ZNF804B: variants seen among roughly 807,000 people sequenced by gnomAD.
ZNF804B encodes zinc finger protein 804B.
A neutral mutation model predicts 101.4 loss-of-function variants in ZNF804B; 80 were observed. That is an observed-to-expected ratio of 0.79 (90% confidence interval 0.66 to 0.95). ZNF804B has a LOEUF of 0.95. ZNF804B is among the 40% of genes least tolerant of loss of function. The pLI is 0.00. For synonymous variants in ZNF804B, 622 were observed against 558.8 expected (o/e 1.11, Z -1.59); for missense variants, 1,673 against 1,561.9 (o/e 1.07, Z -1.20).
chr7:88,815,826 T>C (rs890475815), intron 1 of ZNF804B, among the ~76,000 whole-genome samples: 1 of 151,736 alleles, frequency 6.6e-6, no homozygotes, highest in Non-Finnish European at 1.5e-5. Context: ...ATGGTCACCA[T>C]TTTTAACCTG....
chr7:89,232,361 GT>G (rs1789206019), intron 2 of ZNF804B, among the ~76,000 whole-genome samples: 1 of 152,048 alleles, frequency 6.6e-6, no homozygotes, highest in South Asian at 2.1e-4. Context: ...TTGTGTTTCT[GT>G]TCTTGAGAGA....
chr7:89,230,306 G>GA (rs1789169993), intron 2 of ZNF804B, among the ~76,000 whole-genome samples: 2 of 74,706 alleles, frequency 2.7e-5, no homozygotes, highest in Non-Finnish European at 6.0e-5. Flanking sequence ...ACATGGGGAG[G>GA]GGGAGAGAGA....
At chr7:89,103,191 A>G (rs936283992) in intron 1 of ZNF804B, among the ~76,000 whole-genome samples, 1 of 145,650 alleles carries the variant, frequency 6.9e-6, no homozygotes. Context: ...TTGGTTATTC[A>G]GGCTTTTTTT....
intron 1 of ZNF804B, among the ~76,000 whole-genome samples, chr7:89,038,345 T>C (rs934116160): frequency 2.6e-5 from 4 of 152,196 alleles, no homozygotes; most frequent in Non-Finnish European, 5.9e-5. Flanking sequence ...GTCTTTTTGA[T>C]AAAAAACATC....
At chr7:89,326,538 A>C (rs1162961978) in intron 2 of ZNF804B, among the ~76,000 whole-genome samples, 1 of 152,078 alleles carries the variant, frequency 6.6e-6, no homozygotes, top group Non-Finnish European at 1.5e-5. Context: ...TGTATGAGTT[A>C]AGAGGATAAT....
Position 89,116,073 on chromosome 7 carries a change from AT to A in ZNF804B, c.109-102070del, listed in dbSNP as rs146470822. On this transcript the variant is annotated intron_variant, in intron 1 of 3. Transcript: ENST00000333190. ...GCACATGCCACCATGCCCAGTTATT[AT>A]TTTTTTTTTTTGTATTTTTAGTAAA... 5.8e-4 allele frequency among the ~76,000 whole-genome samples: 81 copies of A among 140,774 alleles called. No individual in the cohort carries two copies. The Middle Eastern group carries it at 0.011, about 19-fold the overall frequency. The allele number at this position is 140,774 out of a possible 152,430, so 92.4% of individuals were successfully genotyped here. A position where few individuals can be genotyped will look rare whatever the true frequency, so the allele number is the denominator to read the frequency against.
chr7:88,775,429 A>G (rs1489844412), intron 1 of ZNF804B, among the ~76,000 whole-genome samples: 1 of 152,216 alleles, frequency 6.6e-6, no homozygotes, highest in Non-Finnish European at 1.5e-5. Context: ...CATCTCAAGT[A>G]GATAGATATA....
chr7:88,927,807 C>T (rs1322690169), intron 1 of ZNF804B, among the ~76,000 whole-genome samples: 1 of 152,092 alleles, frequency 6.6e-6, no homozygotes, highest in Non-Finnish European at 1.5e-5. Context: ...TTCTCACCTA[C>T]CATTATATAA....
At chr7:88,937,268 C>T (rs542015918) in intron 1 of ZNF804B, among the ~76,000 whole-genome samples, 16 of 152,106 alleles carry the variant, frequency 1.1e-4, no homozygotes, top group African/African-American at 1.9e-4. Flanking sequence ...CATTAGATAC[C>T]GGCAACAGGA....
intron 1 of ZNF804B, among the ~76,000 whole-genome samples, chr7:88,764,069 A>G (rs1789942837): frequency 1.3e-5 from 2 of 152,216 alleles, no homozygotes; most frequent in Admixed American, 6.5e-5. Flanking sequence ...TGAATTCAAT[A>G]AAACAAATAG....
intron 1 of ZNF804B, among the ~76,000 whole-genome samples, chr7:88,910,286 C>T (rs1792529099): frequency 6.6e-6 from 1 of 151,878 alleles, no homozygotes; most frequent in Non-Finnish European, 1.5e-5. Context: ...TCAGACAGCA[C>T]TGATAAACTG....
chr7:88,909,958 A>T (rs2115972406), intron 1 of ZNF804B, among the ~76,000 whole-genome samples: 1 of 151,982 alleles, frequency 6.6e-6, no homozygotes, highest in Non-Finnish European at 1.5e-5. Context: ...TGCAGTTTTA[A>T]TGCATTTGTT....
chr7:88,828,483 T>A (rs207468216), intron 1 of ZNF804B, among the ~76,000 whole-genome samples: 1 of 152,058 alleles, frequency 6.6e-6, no homozygotes, highest in East Asian at 1.9e-4. Context: ...CCTCTCTGCC[T>A]CTAATGCCAA....
chr7:88,982,011 T>C (rs1793700251), intron 1 of ZNF804B, among the ~76,000 whole-genome samples: 1 of 152,066 alleles, frequency 6.6e-6, no homozygotes, highest in South Asian at 2.1e-4. Flanking sequence ...TTATTCAGTT[T>C]GTTTTTTATT....
At chr7:88,950,649 G>A (rs1361446445) in intron 1 of ZNF804B, among the ~76,000 whole-genome samples, 2 of 149,068 alleles carry the variant, frequency 1.3e-5, no homozygotes, top group African/African-American at 2.5e-5. Context: ...TATTATATAC[G>A]TATAGAAAAT....
chr7:89,190,734 A>G (rs1788442946), intron 1 of ZNF804B, among the ~76,000 whole-genome samples: 1 of 152,162 alleles, frequency 6.6e-6, no homozygotes, highest in Non-Finnish European at 1.5e-5. Flanking sequence ...ATTGCCACAG[A>G]TACCCCAACC....
intron 1 of ZNF804B, among the ~76,000 whole-genome samples, chr7:88,966,719 G>A (rs891757556): frequency 6.6e-6 from 1 of 150,872 alleles, no homozygotes; most frequent in Non-Finnish European, 1.5e-5. Context: ...GACTTTTAGA[G>A]TCATTTACAA....
chr7:88,956,924 C>G (rs1793318337), intron 1 of ZNF804B, among the ~76,000 whole-genome samples: 1 of 151,468 alleles, frequency 6.6e-6, no homozygotes, highest in Non-Finnish European at 1.5e-5. Flanking sequence ...TTGACTTATT[C>G]ATGCTGCATT....
In ZNF804B at chr7:89,336,315, G is replaced by A. The variant is rs1791089526; in HGVS notation, c.3333G>A (p.Glu1111=). 2 of 1,613,866 alleles carry A rather than the reference G, an allele frequency of 1.2e-6. No homozygotes were observed. Among genetic ancestry groups the A allele is most frequent in the Non-Finnish European group, 1.7e-6 (2 of 1,179,946 alleles). ...TAAGCATGCATATAAATCATGTAGA[G>A]GGAAATATAAACTCTTACTATGACA... ...QDVSMHINHV[E]GNINSYYDRT... Residue 1111 remains glutamate (E), a synonymous_variant, in exon 4 of 4, where the codon GAG becomes GAA. Coordinates refer to ENST00000333190, the MANE Select transcript of ZNF804B (RefSeq NM_181646.5).
Sources: gnomAD v4.1 joint callset for allele counts (sites outside exome capture counted in the v4.1 genomes callset) on GRCh38, gnomAD v4.1.1 for gene constraint, MANE v1.5 for transcripts, NCBI Gene and HGNC (gene_info 2026-07-23, HGNC 2026-07-21) for gene names.